WDCP: variants seen among roughly 807,000 people sequenced by gnomAD.
WDCP encodes the protein WD repeat and coiled coil containing, also known as WD repeat and coiled-coil-containing protein.
A neutral mutation model predicts 41.6 loss-of-function variants in WDCP; 19 were observed. The ratio of observed to expected loss-of-function variants is 0.46; its 90% confidence interval spans 0.32 to 0.67. WDCP has a LOEUF of 0.67. Ranked by LOEUF, WDCP falls within the 30% of genes least tolerant of loss-of-function variation. The probability of loss-of-function intolerance (pLI) is 0.04; values close to 1 mark genes in which losing one functional copy is unlikely to be tolerated. For missense variants in WDCP, 802 were observed against 850.7 expected, an observed-to-expected ratio of 0.94 and a Z score of 0.71; for synonymous variants, 302 against 320.8, an observed-to-expected ratio of 0.94 and a Z score of 0.63.
At chr2:24,042,535 CAAAAA>C (rs35044474) in intron 1 of WDCP, among the ~76,000 whole-genome samples, 4 of 61,582 alleles carry the variant, frequency 6.5e-5, no homozygotes, top group African/African-American at 2.8e-4. Flanking sequence ...TACTCCGTCT[CAAAAA>C]AAAAAAAAAA....
intron 2 of WDCP, among the ~76,000 whole-genome samples, chr2:24,036,157 A>C (rs531907282): frequency 6.6e-6 from 1 of 151,628 alleles, no homozygotes; most frequent in East Asian, 1.9e-4. Context: ...AAAAATTAAA[A>C]CTCTACTACT....
At position 24,038,632 on chromosome 2, in the gene WDCP, ATG is replaced by A. The variant is rs747705122; in HGVS notation, c.861_862del (p.Ile288ThrfsTer6). The A allele has an allele frequency of 3.1e-6, 5 of 1,614,104 alleles. No individual in the cohort carries two copies. Among genetic ancestry groups the A allele is most frequent in the Admixed American group, 3.3e-5 (2 of 60,004 alleles). On this transcript the variant is annotated frameshift_variant, in exon 2 of 4. Coordinates refer to ENST00000295148, the MANE Select transcript of WDCP (RefSeq NM_025203.3). LOFTEE classifies it high-confidence loss of function. ...CTCAGACTTATGTTGATTGAAATGT[ATG>A]TGAGTTAGATCCAGAGGTTCTAAAT... is the stretch of plus-strand genomic sequence containing the variant.
intron 2 of WDCP, among the ~76,000 whole-genome samples, chr2:24,033,495 G>C (rs1296347101): frequency 6.6e-6 from 1 of 152,162 alleles, no homozygotes; most frequent in African/African-American, 2.4e-5. Flanking sequence ...AGTACCAAAA[G>C]TTTGGGAGGC....
At chr2:24,037,544 G>A in intron 2 of WDCP, 133 bp downstream of exon 2, 1 of 1,019,104 alleles carries the variant, frequency 9.8e-7, no homozygotes, top group Non-Finnish European at 1.4e-6. Context: ...GTACCAACTT[G>A]CCTGTAACAT....
rs751894789 is a variant in WDCP at position 24,039,277 on chromosome 2, G to C, written c.218C>G (p.Thr73Arg). 15 of 1,614,100 alleles carry C rather than the reference G, an allele frequency of 9.3e-6. No homozygotes were observed. Among genetic ancestry groups the C allele is most frequent in the Non-Finnish European group, 1.3e-5 (15 of 1,180,038 alleles). Residue 73 changes from threonine (T) to arginine (R), a missense_variant, in exon 2 of 4, where the codon ACA (threonine) becomes AGA (arginine). Physicochemically the swap from Thr to Arg is moderately conservative, Grantham distance 71. Coordinates refer to ENST00000295148, the MANE Select transcript of WDCP (RefSeq NM_025203.3). ...LSWAPPVADD[T>R]PVLLAVQHEK... ...ATGCTGGACAGCGAGTAGAACAGGTGTATCATCTGCAACAGGTGGGGCCCA... is the reference window on the plus strand; with the variant it reads ...ATGCTGGACAGCGAGTAGAACAGGTCTATCATCTGCAACAGGTGGGGCCCA...
At position 24,039,427 on chromosome 2, in the gene WDCP, A is replaced by G. The variant is rs200677488; in HGVS notation, c.68T>C (p.Ile23Thr). The G allele has an allele frequency of 3.4e-5, 55 of 1,614,142 alleles. No homozygotes were observed. Among genetic ancestry groups the G allele is most frequent in the Non-Finnish European group, 4.6e-5 (54 of 1,180,058 alleles). Residue 23 changes from isoleucine to threonine, a missense_variant, in exon 2 of 4, where the codon ATC becomes ACC. Around this residue, in one of 5 missense-constraint regions of WDCP, gnomAD observed 214 missense variants for 252.9 expected, o/e 0.85. Transcript: ENST00000295148. ...CCCATCGGTCCAGGCAAGGCCATGG[A>G]TCGGATGCACTGCTTGATGCAACGC... ...LNALHQAVHP[I>T]HGLAWTDGNQ...
At chr2:24,032,062 A>G (rs570901592) in intron 3 of WDCP, among the ~76,000 whole-genome samples, 2 of 152,302 alleles carry the variant, frequency 1.3e-5, no homozygotes, top group South Asian at 4.1e-4. Flanking sequence ...GCCTGGGTAT[A>G]TAGTAGGCAA....
intron 3 of WDCP, among the ~76,000 whole-genome samples, chr2:24,031,562 C>T (rs577280472): frequency 7.9e-5 from 12 of 152,350 alleles, no homozygotes; most frequent in Admixed American, 2.0e-4. Context: ...CGCAGTGGCT[C>T]ACGCCTATAA....
In WDCP at chr2:24,037,943, C is replaced by T. The variant is rs1431066960; in HGVS notation, c.1552G>A (p.Val518Ile). 1 of 1,614,142 alleles carries T rather than the reference C, an allele frequency of 6.2e-7. No homozygotes were observed. The highest frequency in any genetic ancestry group is 2.2e-5 in the East Asian group (1 of 44,888). ...DGSIALDAEP[V>I]TQPASLPRHS... ...CTGGGCAGCGATGCTGGCTGGGTAACAGGCTCAGCATCTAGAGCTATGGAG... is the reference window on the plus strand; with the variant it reads ...CTGGGCAGCGATGCTGGCTGGGTAATAGGCTCAGCATCTAGAGCTATGGAG... The change falls in exon 2 of 4, where the codon GTT becomes ATT. Residue 518 changes from valine to isoleucine, a missense_variant. Val to Ile is a conservative substitution (Grantham distance 29). Transcript: ENST00000295148.
chr2:24,046,803 T>C (rs1258436807), intron 1 of WDCP, among the ~76,000 whole-genome samples: 3 of 152,250 alleles, frequency 2.0e-5, no homozygotes, highest in Non-Finnish European at 4.4e-5. Flanking sequence ...GACTCTTCTA[T>C]GCATAGTTTG....
rs1330139667 is a variant in WDCP at position 24,030,083 on chromosome 2, G to A, written c.*850C>T. 2.6e-5 allele frequency: 4 copies of A among 152,318 alleles called. No homozygotes were observed. The highest frequency in any genetic ancestry group is 9.7e-5 in the African/African-American group (4 of 41,388). 9.4% of individuals were successfully genotyped at this position (152,318 alleles called of 1,614,324 possible). A position where few individuals can be genotyped will look rare whatever the true frequency, so the allele number is the denominator to read the frequency against. ...AAATTAAAGTGACAAGTTAACTAAG[G>A]GAGCTGACTACTGGGAGAAAAATAG... On this transcript the variant is annotated 3_prime_UTR_variant, in exon 4 of 4. Coordinates refer to ENST00000295148, the MANE Select transcript of WDCP (RefSeq NM_025203.3).
At chr2:24,043,422 G>A (rs1244089896) in intron 1 of WDCP, among the ~76,000 whole-genome samples, 1 of 152,102 alleles carries the variant, frequency 6.6e-6, no homozygotes, top group Non-Finnish European at 1.5e-5. Context: ...AAGGCAGAAG[G>A]ATCACTTGAG....
At position 24,039,043 on chromosome 2, in the gene WDCP, G is replaced by C. The variant is rs1663344334; in HGVS notation, c.452C>G (p.Ala151Gly). 3 of 1,614,004 alleles carry C rather than the reference G, an allele frequency of 1.9e-6. No individual in the cohort carries two copies. The South Asian group carries it at 3.3e-5, about 18-fold the overall frequency. The change falls in exon 2 of 4, where the codon GCA becomes GGA. Residue 151 changes from alanine to glycine, a missense_variant. Transcript: ENST00000295148. ...AATGCGGCCCTGGGTGTTGATGTCT[G>C]CCTTTACCTGGGAATCATCAGAGTG... ...NVHSDDSQVKADINTQGRIHC... is the reference protein window; with the variant it reads ...NVHSDDSQVKGDINTQGRIHC...
intron 3 of WDCP, 103 bp from the exon 4 acceptor site, chr2:24,031,265 G>C: frequency 1.4e-6 from 1 of 733,098 alleles, no homozygotes; most frequent in Non-Finnish European, 2.3e-6. Context: ...TATAGTAGTT[G>C]ATAATATTCA....
At chr2:24,044,102 A>AC (rs1663537485) in intron 1 of WDCP, among the ~76,000 whole-genome samples, 1 of 152,208 alleles carries the variant, frequency 6.6e-6, no homozygotes, top group South Asian at 2.1e-4. Flanking sequence ...GCCATGATAC[A>AC]CTTTCATGGG....
chr2:24,045,516 G>C (rs1405568799), intron 1 of WDCP, among the ~76,000 whole-genome samples: 1 of 150,836 alleles, frequency 6.6e-6, no homozygotes, highest in Non-Finnish European at 1.5e-5. Flanking sequence ...CAGGAGAATC[G>C]CTTGAACCCG....
intron 1 of WDCP, among the ~76,000 whole-genome samples, chr2:24,042,334 G>A (rs1663469036): frequency 6.6e-6 from 1 of 151,796 alleles, no homozygotes; most frequent in Non-Finnish European, 1.5e-5. Context: ...TCAGGAGATC[G>A]AGACCATCCT....
chr2:24,039,729 GA>G (rs1267635911), intron 1 of WDCP, among the ~76,000 whole-genome samples: 18 of 152,136 alleles, frequency 1.2e-4, no homozygotes, highest in Admixed American at 1.2e-3. Context: ...TCTACCTAAT[GA>G]AGATTTTTAG....
chr2:24,034,396 G>T (rs1573655499), intron 2 of WDCP, among the ~76,000 whole-genome samples: 1 of 151,854 alleles, frequency 6.6e-6, no homozygotes, highest in Admixed American at 6.6e-5. Flanking sequence ...CTCCGGCCTG[G>T]GTGACAAAGC....
Sources: allele counts gnomAD v4.1 joint callset (sites outside exome capture counted in the v4.1 genomes callset), GRCh38; gene constraint gnomAD v4.1.1; regional missense constraint gnomAD v4.1.1; transcripts MANE v1.5; gene names NCBI Gene and HGNC (gene_info 2026-07-23, HGNC 2026-07-21).